Variants in PRKN observed in about 807,000 individuals in gnomAD.
PRKN encodes the protein E3 ubiquitin-protein ligase parkin.
In PRKN, 56 loss-of-function variants were observed where a neutral mutation model predicts 59.5. That is an observed-to-expected ratio of 0.94 (90% confidence interval 0.76 to 1.18). PRKN has a LOEUF of 1.18. PRKN is among the 50% of genes most tolerant of loss of function. The probability of loss-of-function intolerance (pLI) is 0.00; values close to 1 mark genes in which losing one functional copy is unlikely to be tolerated. For synonymous variants in PRKN, 250 were observed against 222.1 expected, an observed-to-expected ratio of 1.13 and a Z score of -1.12; for missense variants, 657 against 596.4, an observed-to-expected ratio of 1.10 and a Z score of -1.06.
intron 1 of PRKN, among the ~76,000 whole-genome samples, chr6:162,484,640 G>A (rs1381028626): frequency 6.6e-5 from 10 of 152,120 alleles, no homozygotes; most frequent in Admixed American, 5.2e-4. Flanking sequence ...ACAGTACATC[G>A]GAGTCCATAA....
chr6:162,350,403 A>C (rs1456004718), intron 2 of PRKN, among the ~76,000 whole-genome samples: 1 of 152,216 alleles, frequency 6.6e-6, no homozygotes, highest in Admixed American at 6.5e-5. Flanking sequence ...TATCTAAAAC[A>C]AAGTTAGAGA....
At chr6:162,607,754 T>C (rs1781983626) in intron 1 of PRKN, among the ~76,000 whole-genome samples, 1 of 152,170 alleles carries the variant, frequency 6.6e-6, no homozygotes, top group African/African-American at 2.4e-5. Flanking sequence ...GGTAGGTTTA[T>C]TTGCTTGGTA....
intron 7 of PRKN, among the ~76,000 whole-genome samples, chr6:161,654,781 T>C (rs1488896266): frequency 1.3e-5 from 2 of 152,018 alleles, no homozygotes; most frequent in African/African-American, 4.8e-5. Flanking sequence ...TGGCTTCCCA[T>C]GGAGAGAAGG....
intron 3 of PRKN, among the ~76,000 whole-genome samples, chr6:162,261,030 G>A (rs1779866395): frequency 6.6e-6 from 1 of 152,082 alleles, no homozygotes; most frequent in Non-Finnish European, 1.5e-5. Context: ...CAGAAAAAAT[G>A]CATAAATCTC....
At chr6:162,426,161 T>C (rs2128160972) in intron 2 of PRKN, among the ~76,000 whole-genome samples, 1 of 152,328 alleles carries the variant, frequency 6.6e-6, no homozygotes, top group Middle Eastern at 3.4e-3. Flanking sequence ...TGATGTGAAA[T>C]GCCTTGTCAG....
At chr6:162,616,616 C>T in intron 1 of PRKN, among the ~76,000 whole-genome samples, 1 of 152,086 alleles carries the variant, frequency 6.6e-6, no homozygotes, top group Non-Finnish European at 1.5e-5. Context: ...GGTATATAGC[C>T]AAGCATATCT....
intron 1 of PRKN, among the ~76,000 whole-genome samples, chr6:162,552,433 A>G (rs1317969553): frequency 2.0e-5 from 3 of 152,186 alleles, no homozygotes; most frequent in African/African-American, 4.8e-5. Flanking sequence ...CTCTGGAGGT[A>G]TATCAACCAT....
At chr6:162,085,711 T>A (rs781375718) in intron 4 of PRKN, among the ~76,000 whole-genome samples, 7 of 152,142 alleles carry the variant, frequency 4.6e-5, no homozygotes, top group Non-Finnish European at 8.8e-5. Flanking sequence ...TTGTTGAGTG[T>A]TACTCTTTTC....
In PRKN at chr6:162,223,266, C is replaced by A. The variant is rs559275079; in HGVS notation, c.413-22014G>T. Among the ~76,000 whole-genome samples the A allele has an allele frequency of 6.6e-5, 10 of 152,014 alleles. No individual in the cohort carries two copies. The East Asian group carries it at 1.4e-3, about 21-fold the overall frequency. Reference sequence around the variant, plus strand: ...CTTAATCCAGTCTATCATTGTTGGACATTTGGGTTGGTTCCAAGTCTTTGA... The same window carrying A: ...CTTAATCCAGTCTATCATTGTTGGAAATTTGGGTTGGTTCCAAGTCTTTGA... On this transcript the variant is annotated intron_variant, in intron 3 of 11. Transcript: ENST00000366898.
At chr6:161,939,976 G>A (rs1467764991) in intron 6 of PRKN, among the ~76,000 whole-genome samples, 2 of 151,566 alleles carry the variant, frequency 1.3e-5, no homozygotes, top group African/African-American at 2.4e-5. Context: ...TCGGCTCACC[G>A]CAACCTCTGT....
chr6:162,024,194 CTTTTTTTTT>C (rs111595639), intron 5 of PRKN, among the ~76,000 whole-genome samples: 4 of 82,082 alleles, frequency 4.9e-5, no homozygotes, highest in Middle Eastern at 0.012. Flanking sequence ...TCCCCCAACC[CTTTTTTTTT>C]TTTTTTTTTT....
chr6:161,861,925 C>T (rs896354908), intron 6 of PRKN, among the ~76,000 whole-genome samples: 5 of 152,142 alleles, frequency 3.3e-5, no homozygotes, highest in Non-Finnish European at 7.3e-5. Context: ...CAAGGGGAGG[C>T]CAGAAGTCTA....
chr6:162,254,481 A>G (rs1050848482), intron 3 of PRKN, among the ~76,000 whole-genome samples: 9 of 151,436 alleles, frequency 5.9e-5, no homozygotes, highest in African/African-American at 9.7e-5. Context: ...GGAAATATCC[A>G]AAAAGACACA....
chr6:162,548,153 A>G (rs1779192093), intron 1 of PRKN, among the ~76,000 whole-genome samples: 1 of 151,646 alleles, frequency 6.6e-6, no homozygotes, highest in African/African-American at 2.4e-5. Context: ...TCCACCTCCC[A>G]GGTTCAAGTG....
At chr6:161,986,547 C>A (rs1781443926) in intron 5 of PRKN, among the ~76,000 whole-genome samples, 1 of 147,680 alleles carries the variant, frequency 6.8e-6, no homozygotes, top group Non-Finnish European at 1.5e-5. Context: ...ACAATTGGGA[C>A]AACTGAGAGA....
intron 1 of PRKN, among the ~76,000 whole-genome samples, chr6:162,672,694 G>GTGTGTGTA (rs1779377215): frequency 9.6e-6 from 1 of 104,006 alleles, no homozygotes; most frequent in Non-Finnish European, 2.4e-5. Flanking sequence ...AAGTGTGTGT[G>GTGTGTGTA]TGTGTGTGTG....
intron 1 of PRKN, among the ~76,000 whole-genome samples, chr6:162,633,492 T>C (rs932699805): frequency 2.3e-4 from 33 of 144,056 alleles, no homozygotes; most frequent in African/African-American, 7.9e-4. Flanking sequence ...GGAGGACTTA[T>C]AACTCCTAAA....
chr6:161,902,600 C>T (rs1777975528), intron 6 of PRKN, among the ~76,000 whole-genome samples: 1 of 90,130 alleles, frequency 1.1e-5, no homozygotes, highest in Non-Finnish European at 2.4e-5. Flanking sequence ...TGCTCTGTTC[C>T]CCAGGCTGGA....
intron 3 of PRKN, among the ~76,000 whole-genome samples, chr6:162,208,783 C>T (rs1785066953): frequency 6.6e-6 from 1 of 152,052 alleles, no homozygotes; most frequent in South Asian, 2.1e-4. Flanking sequence ...TGGAAGAAAC[C>T]ATCAATGCTG....
Sources: allele counts gnomAD v4.1 joint callset (sites outside exome capture counted in the v4.1 genomes callset), GRCh38; gene constraint gnomAD v4.1.1; transcripts MANE v1.5; gene names NCBI Gene and HGNC (gene_info 2026-07-23, HGNC 2026-07-21).